QSER1: variants seen among roughly 807,000 people sequenced by gnomAD.
QSER1 encodes glutamine and serine-rich protein 1.
QSER1 carries 49 observed loss-of-function variants against 158.5 expected under a neutral mutation model. The observed-to-expected ratio is 0.31, with a 90% CI of 0.25 to 0.39. The LOEUF (loss-of-function observed/expected upper bound fraction) is 0.39. QSER1 is among the 10% of genes least tolerant of loss of function. The probability of loss-of-function intolerance (pLI) is 1.00; values close to 1 mark genes in which losing one functional copy is unlikely to be tolerated. For synonymous variants in QSER1, 650 were observed against 715.5 expected (o/e 0.91, Z 1.46); for missense variants, 1,754 against 2,010.3 (o/e 0.87, Z 2.44).
intron 1 of QSER1, among the ~76,000 whole-genome samples, chr11:32,904,380 C>T (rs1040333428): frequency 6.6e-6 from 1 of 151,786 alleles, no homozygotes; most frequent in East Asian, 1.9e-4. Context: ...TTAGTAGAGA[C>T]GAGGTTTCAC....
chr11:32,953,293 G>C (rs780891073), intron 4 of QSER1, among the ~76,000 whole-genome samples: 11 of 150,926 alleles, frequency 7.3e-5, no homozygotes, highest in Non-Finnish European at 1.5e-4. Flanking sequence ...CTTCTATGAA[G>C]AGTCACAGTT....
rs576315575 is a variant in QSER1, at chr11:32,930,658, GTAT to G, written c.485-1078_485-1076del. Among the ~76,000 whole-genome samples the G allele has an allele frequency of 2.0e-4, 31 of 152,262 alleles. No homozygotes were observed. The East Asian group carries it at 4.6e-3, about 23-fold the overall frequency. Reference sequence around the variant, plus strand: ...ATCCACCTTAATGTTTATGGCAATAGTATTATTATGGTATGCCATAATTATTTG... The same window carrying G: ...ATCCACCTTAATGTTTATGGCAATAGTATTATGGTATGCCATAATTATTTG... On this transcript the variant is annotated intron_variant, in intron 3 of 12. Coordinates refer to ENST00000650167, the MANE Select transcript of QSER1 (RefSeq NM_001076786.3).
At chr11:32,898,667 G>T (rs891550032) in intron 1 of QSER1, among the ~76,000 whole-genome samples, 3 of 152,112 alleles carry the variant, frequency 2.0e-5, no homozygotes, top group Non-Finnish European at 4.4e-5. Flanking sequence ...GCTTACTGCA[G>T]CCTCGACCTC....
intron 4 of QSER1, among the ~76,000 whole-genome samples, chr11:32,940,271 C>T (rs1319290521): frequency 6.6e-6 from 1 of 152,124 alleles, no homozygotes; most frequent in Non-Finnish European, 1.5e-5. Context: ...GCTTCTTTAC[C>T]CATTCCTCTG....
chr11:32,950,647 A>C (rs1477155638), intron 4 of QSER1, among the ~76,000 whole-genome samples: 3 of 152,222 alleles, frequency 2.0e-5, no homozygotes, highest in African/African-American at 7.2e-5. Flanking sequence ...TATCATTCAA[A>C]GAGAAACCCT....
At chr11:32,938,748 A>G (rs1274510196) in intron 4 of QSER1, among the ~76,000 whole-genome samples, 1 of 152,142 alleles carries the variant, frequency 6.6e-6, no homozygotes, top group Non-Finnish European at 1.5e-5. Context: ...AAAATAATAA[A>G]GTTTTCTAGT....
rs539515564 is a variant in QSER1 at position 32,976,953 on chromosome 11, G to T, written c.*479G>T. The T allele has an allele frequency of 6.5e-6, 1 of 154,266 alleles. No individual in the cohort carries two copies. Among genetic ancestry groups the T allele is most frequent in the Non-Finnish European group, 1.4e-5 (1 of 69,392 alleles). 9.6% of individuals were successfully genotyped at this position (154,266 alleles called of 1,614,324 possible). On this transcript the variant is annotated 3_prime_UTR_variant, in exon 13 of 13. Transcript: ENST00000650167. ...TATGTAAAGAGGTCTGGTGTGGTGTGACATCCTGTATAAGAATATCATCAA... is the reference window on the plus strand; with the variant it reads ...TATGTAAAGAGGTCTGGTGTGGTGTTACATCCTGTATAAGAATATCATCAA...
intron 10 of QSER1, among the ~76,000 whole-genome samples, chr11:32,971,517 T>A (rs2133610777): frequency 6.6e-6 from 1 of 152,348 alleles, no homozygotes; most frequent in East Asian, 1.9e-4. Context: ...AAATTTAGAA[T>A]CTTTAGACTT....
At chr11:32,924,749 G>C (rs1851945922) in intron 1 of QSER1, among the ~76,000 whole-genome samples, 1 of 151,978 alleles carries the variant, frequency 6.6e-6, no homozygotes, top group Admixed American at 6.6e-5. Context: ...TTTATTTTCA[G>C]CTTTTATTTT....
chr11:32,942,655 C>G (rs1387011142), intron 4 of QSER1, among the ~76,000 whole-genome samples: 13 of 152,104 alleles, frequency 8.5e-5, no homozygotes, highest in Non-Finnish European at 1.5e-4. Context: ...ATAGTTTGAA[C>G]TCAGGTAGTG....
At chr11:32,941,073 C>A (rs1852223224) in intron 4 of QSER1, among the ~76,000 whole-genome samples, 1 of 151,750 alleles carries the variant, frequency 6.6e-6, no homozygotes, top group African/African-American at 2.4e-5. Context: ...ACACTTTGAC[C>A]ATATCTCATG....
In QSER1 at chr11:32,934,985, ACTC is replaced by A. The variant is rs765174914; in HGVS notation, c.3733_3735del (p.Pro1245del). The A allele has an allele frequency of 6.2e-6, 10 of 1,613,968 alleles. No individual in the cohort carries two copies. Among genetic ancestry groups the A allele is most frequent in the Admixed American group, 1.7e-5 (1 of 59,988 alleles). On this transcript the variant is annotated inframe_deletion, in exon 4 of 13. Coordinates refer to ENST00000650167, the MANE Select transcript of QSER1 (RefSeq NM_001076786.3). ...GGGAACAGATATTTACTTACCGTAT[ACTC>A]CTCCTTCCTCAGAAAGCTGCCATGA...
At chr11:32,940,483 T>C (rs753410837) in intron 4 of QSER1, among the ~76,000 whole-genome samples, 25 of 152,330 alleles carry the variant, frequency 1.6e-4, no homozygotes, top group Non-Finnish European at 2.8e-4. Context: ...TTAATCTGAC[T>C]CACTTTTGTA....
chr11:32,931,852 T>G lies in QSER1; in HGVS notation c.594T>G (p.Asn198Lys), dbSNP rs1351408933. The G allele has an allele frequency of 6.2e-7, 1 of 1,614,122 alleles. No individual in the cohort carries two copies. Among genetic ancestry groups the G allele is most frequent in the Admixed American group, 1.7e-5 (1 of 60,022 alleles). ...ATCAGCATCCCACCACCTTCAGCAA[T>G]AGAAACTTTGCTACCACTTCACCTT... ...SAYQHPTTFS[N>K]RNFATTSPLV... Residue 198 changes from asparagine to lysine, a missense_variant, in exon 4 of 13, where the codon AAT becomes AAG. Physicochemically the swap from Asn to Lys is moderately conservative, Grantham distance 94 (BLOSUM62 0). Around this residue, in one of 2 missense-constraint regions of QSER1, gnomAD observed 1,707 missense variants for 1,919.6 expected, o/e 0.89. Transcript: ENST00000650167.
chr11:32,933,373 A>G lies in QSER1; in HGVS notation c.2115A>G (p.Ala705=), dbSNP rs967903818. ...AGTTACAGGTGTTGCAGCCACAAGCATCTCTTGAGTCATCAACCCAAAGGC... is the reference window on the plus strand; with the variant it reads ...AGTTACAGGTGTTGCAGCCACAAGCGTCTCTTGAGTCATCAACCCAAAGGC... The part of the protein sequence containing the change: ...MQELQVLQPQ[A]SLESSTQRLS... The change falls in exon 4 of 13, where the codon GCA becomes GCG. Residue 705 remains alanine, a synonymous_variant. Transcript: ENST00000650167. 1.2e-6 allele frequency: 2 copies of G among 1,613,670 alleles called. No homozygotes were observed. The highest frequency in any genetic ancestry group is 8.5e-7 in the Non-Finnish European group (1 of 1,179,902).
chr11:32,975,602 A>G (rs1852962961), intron 12 of QSER1: 4 of 1,273,772 alleles, frequency 3.1e-6, no homozygotes, highest in Non-Finnish European at 4.0e-6. Flanking sequence ...CTTGCTTTAC[A>G]TCGCCATAAT....
chr11:32,931,143 C>A (rs1185631658), intron 3 of QSER1, among the ~76,000 whole-genome samples: 1 of 151,012 alleles, frequency 6.6e-6, no homozygotes, highest in Non-Finnish European at 1.5e-5. Context: ...TGTGTTGGTA[C>A]TTTGGGATAA....
chr11:32,956,032 A>T lies in QSER1; in HGVS notation c.4662A>T (p.Ile1554=), dbSNP rs1852504854. The T allele has an allele frequency of 1.2e-6, 2 of 1,608,140 alleles. No homozygotes were observed. The highest frequency in any genetic ancestry group is 1.7e-6 in the Non-Finnish European group (2 of 1,174,916). ...ATGCAAAGAGTAAATACAAAAGAATATATGTGAAGTTCATTGAAAATGCAA... is the reference window on the plus strand; with the variant it reads ...ATGCAAAGAGTAAATACAAAAGAATTTATGTGAAGTTCATTGAAAATGCAA... ...FGDAKSKYKR[I]YVKFIENANK... is the part of the protein sequence containing the mutation. Residue 1554 remains isoleucine, a synonymous_variant, in exon 7 of 13, where the codon ATA becomes ATT. Coordinates refer to ENST00000650167, the MANE Select transcript of QSER1 (RefSeq NM_001076786.3).
intron 8 of QSER1, among the ~76,000 whole-genome samples, chr11:32,964,717 C>CATATATATATATATATATAT (rs375985842): frequency 3.0e-4 from 19 of 64,224 alleles, no homozygotes; most frequent in African/African-American, 9.1e-4. Context: ...AAAAAAACAC[C>CATATATATATATATATATAT]ATATATATAT....
Sources: gnomAD v4.1 joint callset for allele counts (sites outside exome capture counted in the v4.1 genomes callset) on GRCh38, gnomAD v4.1.1 for gene constraint, gnomAD v4.1.1 regional missense constraint, MANE v1.5 for transcripts, NCBI Gene and HGNC (gene_info 2026-07-23, HGNC 2026-07-21) for gene names.